The following EP300 variants were observed in gnomAD, a reference collection of about 807,000 sequenced individuals.
EP300 encodes histone acetyltransferase p300.
EP300 carries 31 observed loss-of-function variants against 264.0 expected under a neutral mutation model. The ratio of observed to expected loss-of-function variants is 0.12; its 90% CI spans 0.09 to 0.16. EP300 has a LOEUF of 0.16. Ranked by LOEUF, EP300 falls within the 10% of genes least tolerant of loss-of-function variation. EP300 has a pLI of 1.00. For missense variants in EP300, 2,766 were observed against 3,052.9 expected (o/e 0.91, Z 2.21); for synonymous variants, 1,340 against 1,045.4 (o/e 1.28, Z -5.44).
Position 41,162,748 on chromosome 22 carries a change from A to C in EP300, c.3697A>C (p.Lys1233Gln). The change falls in exon 21 of 31, where the codon AAG (lysine) becomes CAG (glutamine). Residue 1233 changes from lysine (K) to glutamine (Q), a missense_variant. Lys to Gln is a moderately conservative substitution (Grantham distance 53). Coordinates refer to ENST00000263253, the MANE Select transcript of EP300 (RefSeq NM_001429.4). ...TACAATAAATAAAGAACAATTTTCC[A>C]AGAGAAAAAATGACACACTGGATCC... is the stretch of plus-strand genomic sequence containing the variant. ...QTTINKEQFS[K>Q]RKNDTLDPEL... 6.2e-7 allele frequency: 1 copy of C among 1,612,870 alleles called. No individual in the cohort carries two copies. Among genetic ancestry groups the C allele is most frequent in the Non-Finnish European group, 8.5e-7 (1 of 1,178,920 alleles).
intron 20 of EP300, among the ~76,000 whole-genome samples, 185 bp from the exon 21 acceptor site, chr22:41,162,538 G>A (rs899067333): frequency 6.6e-6 from 1 of 152,128 alleles, no homozygotes; most frequent in Non-Finnish European, 1.5e-5. Flanking sequence ...TTACTATGAA[G>A]TCCTATAGAA....
intron 1 of EP300, among the ~76,000 whole-genome samples, chr22:41,099,087 C>G (rs1195428177): frequency 6.6e-6 from 1 of 152,012 alleles, no homozygotes; most frequent in South Asian, 2.1e-4. Flanking sequence ...TGATTTGCAA[C>G]GAAGTCTTGC....
chr22:41,107,533 A>C (rs2058764501), intron 1 of EP300, among the ~76,000 whole-genome samples: 1 of 152,154 alleles, frequency 6.6e-6, no homozygotes, highest in South Asian at 2.1e-4. Context: ...AAGTAACTAG[A>C]AAATTGTCTG....
At position 41,112,691 on chromosome 22, in the gene EP300, A is replaced by G. The variant is rs1466221780; in HGVS notation, c.95-4496A>G. Among the ~76,000 whole-genome samples, 9 of 131,592 alleles carry G rather than the reference A, an allele frequency of 6.8e-5. No homozygotes were observed. In the South Asian group the frequency reaches 1.9e-3, roughly 28 times the overall value. The allele number at this position is 131,592 out of a possible 152,430, so 86.3% of individuals were successfully genotyped here. A position where few individuals can be genotyped will look rare whatever the true frequency, so the allele number is the denominator to read the frequency against. ...GGCCTGTGTTTTTCTTATATTGGCC[A>G]TGTGTAATTTTTATATTGTTTTTTT... On this transcript the variant is annotated intron_variant, in intron 1 of 30. Transcript: ENST00000263253.
chr22:41,138,458 C>T (rs1003787058), intron 8 of EP300, among the ~76,000 whole-genome samples: 9 of 152,186 alleles, frequency 5.9e-5, no homozygotes, highest in Non-Finnish European at 2.9e-5. Flanking sequence ...GCCACCACGC[C>T]TGTCCTGGTA....
intron 23 of EP300, chr22:41,168,129 T>C: frequency 2.7e-6 from 1 of 371,904 alleles, no homozygotes; most frequent in Non-Finnish European, 5.1e-6. Flanking sequence ...GCCCCTGTTC[T>C]GTATTTTTAT....
At position 41,104,881 on chromosome 22, in the gene EP300, A is replaced by G. The variant is rs915535683; in HGVS notation, c.94+11783A>G. ...CTAAAAATACAAAAATTAGCTGGGC[A>G]TGGCCGGGCACGGTGGCTTACGCCT... On this transcript the variant is annotated intron_variant, in intron 1 of 30. Coordinates refer to ENST00000263253, the MANE Select transcript of EP300 (RefSeq NM_001429.4). 2.0e-5 allele frequency among the ~76,000 whole-genome samples: 3 copies of G among 151,660 alleles called. No homozygotes were observed. In the South Asian group the frequency reaches 6.2e-4, roughly 32 times the overall value.
chr22:41,147,008 T>TA (rs1328548026), intron 11 of EP300, among the ~76,000 whole-genome samples, 192 bp downstream of exon 11: 1 of 151,880 alleles, frequency 6.6e-6, no homozygotes, highest in Non-Finnish European at 1.5e-5. Context: ...AAGTATCCAT[T>TA]AAAAAACAAC....
rs188733753 is a variant in EP300, at chr22:41,179,124, A to G, written c.*168A>G. The G allele has an allele frequency of 3.4e-4, 237 of 698,178 alleles. 4 individuals are homozygous for G. In the Admixed American group the frequency reaches 6.7e-3, roughly 20 times the overall value. 43.2% of individuals were successfully genotyped at this position (698,178 alleles called of 1,614,324 possible). On this transcript the variant is annotated 3_prime_UTR_variant, in exon 31 of 31. Transcript: ENST00000263253. ...TGGTTTAAAGCAAACATGCAAGATG[A>G]ACCTGAGGGATGATAGAATACAAAG...
chr22:41,162,594 C>G (rs560116579), intron 20 of EP300, 129 bp from the exon 21 acceptor site: 4 of 701,350 alleles, frequency 5.7e-6, no homozygotes, highest in African/African-American at 5.3e-5. Context: ...AAGAATACAC[C>G]TATTTAAATG....
intron 13 of EP300, 82 bp downstream of exon 13, chr22:41,149,257 A>T (rs2145736458): frequency 6.6e-7 from 1 of 1,514,010 alleles, no homozygotes; most frequent in South Asian, 1.1e-5. Flanking sequence ...AGAGAGTGGC[A>T]GCAAATAGTG....
Position 41,173,789 on chromosome 22 carries a change from G to C in EP300, c.4779+5G>C. On this transcript the variant is annotated splice_donor_5th_base_variant and intron_variant, in intron 29 of 30. Transcript: ENST00000263253. The stretch of plus-strand genomic sequence containing the variant: ...ACCATGGAGAAGCATAAAGAGGTAA[G>C]ATGCAGCCACCCAGAGTTGGGGAAA... 1.9e-6 allele frequency: 3 copies of C among 1,614,050 alleles called. No homozygotes were observed. Among genetic ancestry groups the C allele is most frequent in the Non-Finnish European group, 2.5e-6 (3 of 1,179,936 alleles).
chr22:41,119,080 G>A (rs1159400691), intron 2 of EP300, among the ~76,000 whole-genome samples: 1 of 145,560 alleles, frequency 6.9e-6, no homozygotes, highest in African/African-American at 2.5e-5. Flanking sequence ...ATGGCTTACT[G>A]CAGCCTCAAC....
intron 1 of EP300, among the ~76,000 whole-genome samples, chr22:41,108,537 C>T (rs2058771162): frequency 6.6e-6 from 1 of 152,118 alleles, no homozygotes; most frequent in South Asian, 2.1e-4. Flanking sequence ...GCGTGAGCCA[C>T]GGTGCCCAAC....
At position 41,164,102 on chromosome 22, in the gene EP300, C is replaced by T; in HGVS notation, c.3778C>T (p.Leu1260Phe). The T allele has an allele frequency of 6.2e-7, 1 of 1,614,092 alleles. No homozygotes were observed. The highest frequency in any genetic ancestry group is 8.5e-7 in the Non-Finnish European group (1 of 1,180,014). Residue 1260 changes from leucine (L) to phenylalanine (F), a missense_variant, in exon 22 of 31, where the codon CTT becomes TTT. Coordinates refer to ENST00000263253, the MANE Select transcript of EP300 (RefSeq NM_001429.4). ...AAGAAAGATGCATCAGATCTGTGTC[C>T]TTCACCATGAGATCATCTGGCCTGC... ...CGRKMHQICV[L>F]HHEIIWPAGF...
At chr22:41,114,868 GT>G (rs2058812683) in intron 1 of EP300, among the ~76,000 whole-genome samples, 1 of 151,776 alleles carries the variant, frequency 6.6e-6, no homozygotes, top group Non-Finnish European at 1.5e-5. Context: ...TACAGGAAGA[GT>G]TATACTTAGG....
intron 17 of EP300, among the ~76,000 whole-genome samples, chr22:41,156,419 G>C (rs1303396012): frequency 8.2e-6 from 1 of 121,350 alleles, no homozygotes; most frequent in East Asian, 2.6e-4. Flanking sequence ...ATTTCATTTG[G>C]TGGTTTTAAA....
chr22:41,097,985 C>A (rs1054750715), intron 1 of EP300, among the ~76,000 whole-genome samples: 1 of 148,746 alleles, frequency 6.7e-6, no homozygotes, highest in Non-Finnish European at 1.5e-5. Context: ...TGAGCCACCG[C>A]GCCCAGCTAA....
chr22:41,160,597 G>T, intron 19 of EP300, 45 bp from the exon 20 acceptor site: 1 of 1,593,742 alleles, frequency 6.3e-7, no homozygotes, highest in Admixed American at 1.7e-5. Flanking sequence ...GGGCTGTGTT[G>T]TGTGAACGGA....
Sources: allele counts gnomAD v4.1 joint callset (sites outside exome capture counted in the v4.1 genomes callset), GRCh38; gene constraint gnomAD v4.1.1; transcripts MANE v1.5; gene names NCBI Gene and HGNC (gene_info 2026-07-23, HGNC 2026-07-21).